The following USH2A variants were observed in gnomAD, a reference collection of about 807,000 sequenced individuals.
The protein encoded by USH2A is usherin.
Under a neutral mutation model 538.9 loss-of-function variants are expected in USH2A, and 443 were observed. The ratio of observed to expected loss-of-function variants is 0.82; its 90% confidence interval spans 0.76 to 0.89. USH2A has a LOEUF of 0.89. USH2A is among the 40% of genes least tolerant of loss of function. The pLI, the probability that USH2A is intolerant of heterozygous loss-of-function variation, is 0.00. For synonymous variants in USH2A, 2,413 were observed against 2,273.5 expected, an observed-to-expected ratio of 1.06 and a Z score of -1.75; for missense variants, 6,633 against 6,324.8, an observed-to-expected ratio of 1.05 and a Z score of -1.65.
rs766225635 is a variant in USH2A at position 215,655,725 on chromosome 1, C to CTTT, written c.14134-4927_14134-4925dup. Among the ~76,000 whole-genome samples the CTTT allele has an allele frequency of 2.9e-3, 275 of 96,180 alleles. 3 individuals carry two copies. Among genetic ancestry groups the CTTT allele is most frequent in the African/African-American group, 9.4e-3 (243 of 25,930 alleles). 63.1% of individuals were successfully genotyped at this position (96,180 alleles called of 152,430 possible). A position where few individuals can be genotyped will look rare whatever the true frequency, so the allele number is the denominator to read the frequency against. ...TGCTTCTGTTACTGTGCTAGTTATT[C>CTTT]TTTTTTTTTTTTTTTTTTTTTTTTC... On this transcript the variant is annotated intron_variant, in intron 64 of 71. Coordinates refer to ENST00000307340, the MANE Select transcript of USH2A (RefSeq NM_206933.4).
rs749177032 is a variant in USH2A, at chr1:215,782,826, A to G, written c.10497T>C (p.Pro3499=). The G allele has an allele frequency of 5.6e-6, 9 of 1,613,856 alleles. No individual in the cohort carries two copies. The highest frequency in any genetic ancestry group is 4.0e-5 in the African/African-American group (3 of 74,910). The part of the protein sequence containing the change: ...AVRARTKEDV[P]QGVSPPTWTK... ...TCCACGTAGGGGGACTCACTCCTTG[A>G]GGCACATCTTCTTTTGTTCTGGCTC... The change falls in exon 53 of 72, where the codon CCT becomes CCC. Residue 3499 remains proline (P), a synonymous_variant. Transcript: ENST00000307340.
chr1:216,253,367 T>C (rs1006114061), intron 11 of USH2A, among the ~76,000 whole-genome samples: 1 of 152,092 alleles, frequency 6.6e-6, no homozygotes, highest in Non-Finnish European at 1.5e-5. Context: ...AGTTTCACCA[T>C]GTTGGTCAGG....
At chr1:216,379,103 GCTGATGC>G (rs2038887557) in intron 3 of USH2A, among the ~76,000 whole-genome samples, 1 of 152,066 alleles carries the variant, frequency 6.6e-6, no homozygotes, top group South Asian at 2.1e-4. Context: ...CTTTCCACTC[GCTGATGC>G]CTGGTGATGG....
chr1:215,793,530 TTG>T (rs1289124779), intron 50 of USH2A, among the ~76,000 whole-genome samples: 3 of 152,104 alleles, frequency 2.0e-5, no homozygotes, highest in Admixed American at 2.0e-4. Context: ...CCCCAAATCA[TTG>T]TGATACATTT....
rs756680678 is a variant in USH2A, at chr1:216,217,355, C to T, written c.3157+32G>A. The stretch of plus-strand genomic sequence containing the variant: ...TGCAGTCCCCTGTATGATGCTGCTT[C>T]ACACACCAGCACTGAACCAGAGTTC... On this transcript the variant is annotated intron_variant, in intron 15 of 71. Transcript: ENST00000307340. 4 of 1,611,026 alleles carry T rather than the reference C, an allele frequency of 2.5e-6. No homozygotes were observed. The East Asian group carries it at 9.0e-5, about 36-fold the overall frequency.
chr1:216,134,535 A>G (rs2033441396), intron 21 of USH2A, among the ~76,000 whole-genome samples: 2 of 152,144 alleles, frequency 1.3e-5, no homozygotes, highest in South Asian at 4.1e-4. Flanking sequence ...GTTTAAAGAT[A>G]ATATAGGGTT....
At chr1:216,340,413 C>T (rs2038053858) in intron 4 of USH2A, among the ~76,000 whole-genome samples, 1 of 151,548 alleles carries the variant, frequency 6.6e-6, no homozygotes, top group African/African-American at 2.4e-5. Context: ...ACCAGAGGTA[C>T]AAAGAGGAGC....
chr1:215,780,138 C>T lies in USH2A; in HGVS notation c.10741-97G>A, dbSNP rs7514451. 2.6e-3 allele frequency: 3,607 copies of T among 1,372,724 alleles called. 72 individuals are homozygous for T. In the African/African-American group the frequency reaches 0.044, roughly 17 times the overall value. The allele number at this position is 1,372,724 out of a possible 1,614,324, so 85.0% of individuals were successfully genotyped here. On this transcript the variant is annotated intron_variant, in intron 54 of 71. Transcript: ENST00000307340. Reference sequence around the variant, plus strand: ...CTTTTGTTTTAAAATGTTGTCTGGCCTGGCATATCATTAGCAGGGGCTTGG... The same window carrying T: ...CTTTTGTTTTAAAATGTTGTCTGGCTTGGCATATCATTAGCAGGGGCTTGG...
chr1:216,190,499 T>G (rs1186391649), intron 19 of USH2A, 132 bp from the exon 20 acceptor site: 65 of 666,524 alleles, frequency 9.8e-5, no homozygotes, highest in Middle Eastern at 1.1e-3. Flanking sequence ...AGGAAAAGGG[T>G]TTTTTTTTTT....
At chr1:215,633,508 G>T (rs2102629734) in intron 70 of USH2A, among the ~76,000 whole-genome samples, 1 of 152,306 alleles carries the variant, frequency 6.6e-6, no homozygotes, top group Non-Finnish European at 1.5e-5. Flanking sequence ...AAAGTGAAGA[G>T]ATCTGGAAGG....
At chr1:216,029,706 A>G (rs1052505994) in intron 32 of USH2A, among the ~76,000 whole-genome samples, 3 of 151,880 alleles carry the variant, frequency 2.0e-5, no homozygotes, top group African/African-American at 7.2e-5. Flanking sequence ...TAACGTCCAG[A>G]AAATAGTAGT....
chr1:215,766,182 A>C (rs1210658109), intron 56 of USH2A, among the ~76,000 whole-genome samples: 3 of 152,190 alleles, frequency 2.0e-5, no homozygotes, highest in African/African-American at 4.8e-5. Context: ...CATCTGCTCC[A>C]TAAAGCCTTT....
chr1:215,944,458 A>C (rs542918191), intron 37 of USH2A, among the ~76,000 whole-genome samples: 2 of 152,306 alleles, frequency 1.3e-5, no homozygotes, highest in Non-Finnish European at 2.9e-5. Flanking sequence ...GGAACAAAGC[A>C]CGTGGAAAGA....
chr1:215,837,997 G>T lies in USH2A; in HGVS notation c.9365C>A (p.Thr3122Asn), dbSNP rs746920996. ...CTGACACAAAATTTTGTACCTTGAA[G>T]TGATGCCACGAATTGTGGGTGTTGG... ...DIPTPTIRGI[T>N]SRSLQIDWVS... The change falls in exon 47 of 72, where the codon ACT (threonine) becomes AAT (asparagine). Residue 3122 changes from threonine (T) to asparagine (N), a missense_variant. Coordinates refer to ENST00000307340, the MANE Select transcript of USH2A (RefSeq NM_206933.4). 6.2e-7 allele frequency: 1 copy of T among 1,613,466 alleles called. No homozygotes were observed. The highest frequency in any genetic ancestry group is 1.1e-5 in the South Asian group (1 of 91,076).
At chr1:216,301,830 C>T (rs2037221468) in intron 9 of USH2A, among the ~76,000 whole-genome samples, 1 of 152,094 alleles carries the variant, frequency 6.6e-6, no homozygotes, top group Non-Finnish European at 1.5e-5. Context: ...TACATTTTCC[C>T]TTTCTCATCA....
At chr1:215,990,760 C>CT (rs35293238) in intron 35 of USH2A, among the ~76,000 whole-genome samples, 68,244 of 114,570 alleles carry the variant, frequency 0.6, 21,521 homozygotes, top group East Asian at 0.85. Context: ...CTTAATTTTC[C>CT]TTTTTTTTTT....
chr1:216,324,393 T>C (rs1571702521), intron 6 of USH2A, 41 bp from the exon 7 acceptor site: 1 of 1,535,696 alleles, frequency 6.5e-7, no homozygotes, highest in Non-Finnish European at 8.9e-7. Flanking sequence ...AAGTTTTAAG[T>C]TTAACCATCA....
chr1:215,650,883 A>G, intron 64 of USH2A, 82 bp from the exon 65 acceptor site: 3 of 1,524,852 alleles, frequency 2.0e-6, no homozygotes, highest in Non-Finnish European at 2.7e-6. Flanking sequence ...AGGAAAAAAA[A>G]CGAAATTGGC....
chr1:215,948,368 T>C (rs1299345122), intron 37 of USH2A, among the ~76,000 whole-genome samples: 1 of 151,448 alleles, frequency 6.6e-6, no homozygotes, highest in Non-Finnish European at 1.5e-5. Flanking sequence ...AATGTGAAGA[T>C]AATCATTGTT....
Sources: allele counts gnomAD v4.1 joint callset (sites outside exome capture counted in the v4.1 genomes callset), GRCh38; gene constraint gnomAD v4.1.1; transcripts MANE v1.5; gene names NCBI Gene and HGNC (gene_info 2026-07-23, HGNC 2026-07-21).